CFAP300: variants seen among roughly 807,000 people sequenced by gnomAD.
CFAP300 encodes the protein cilia- and flagella-associated protein 300.
In CFAP300, 32 loss-of-function variants were observed where a neutral mutation model predicts 33.0. The observed-to-expected ratio is 0.97, with a 90% CI of 0.73 to 1.30. The LOEUF (loss-of-function observed/expected upper bound fraction) is 1.30. Among genes scored for constraint, CFAP300 ranks in the 50% most tolerant of loss-of-function variants. The pLI is 0.00. For synonymous variants in CFAP300, 102 were observed against 106.8 expected, an observed-to-expected ratio of 0.95 and a Z score of 0.28; for missense variants, 356 against 318.1, an observed-to-expected ratio of 1.12 and a Z score of -0.90.
At chr11:102,054,476 TAA>T (rs1942019101) in intron 2 of CFAP300, among the ~76,000 whole-genome samples, 2 of 151,954 alleles carry the variant, frequency 1.3e-5, no homozygotes, top group African/African-American at 4.8e-5. Context: ...TGCACGCCTG[TAA>T]TCCCAACACT....
chr11:102,050,639 A>G (rs1305675454), intron 2 of CFAP300, among the ~76,000 whole-genome samples: 1 of 152,198 alleles, frequency 6.6e-6, no homozygotes, highest in East Asian at 1.9e-4. Context: ...CCTGAGGCAT[A>G]AGGTACTTTG....
intron 6 of CFAP300, 29 bp downstream of exon 6, chr11:102,081,310 A>G (rs1942469669): frequency 1.9e-6 from 3 of 1,564,120 alleles, no homozygotes; most frequent in Non-Finnish European, 2.6e-6. Flanking sequence ...TTGCAACCAA[A>G]GAATTTAATT....
intron 2 of CFAP300, among the ~76,000 whole-genome samples, chr11:102,056,749 G>A (rs887235349): frequency 6.6e-6 from 1 of 151,810 alleles, no homozygotes; most frequent in Non-Finnish European, 1.5e-5. Flanking sequence ...TCAGCCTCCC[G>A]GGTAGCTGGA....
At chr11:102,048,070 GTCA>G (rs1941911708) in intron 2 of CFAP300, among the ~76,000 whole-genome samples, 174 bp downstream of exon 2, 1 of 152,122 alleles carries the variant, frequency 6.6e-6, no homozygotes, top group South Asian at 2.1e-4. Context: ...TTTCGAATCA[GTCA>G]TCATAAATTT....
At chr11:102,073,569 G>C (rs1942348363) in intron 4 of CFAP300, among the ~76,000 whole-genome samples, 1 of 152,186 alleles carries the variant, frequency 6.6e-6, no homozygotes, top group African/African-American at 2.4e-5. Flanking sequence ...TGCTCAGATG[G>C]AAGCAGCATG....
In CFAP300 at chr11:102,081,175, C is replaced by T. The variant is rs373305765; in HGVS notation, c.609-40C>T. On this transcript the variant is annotated intron_variant, in intron 5 of 6. Coordinates refer to ENST00000434758, the MANE Select transcript of CFAP300 (RefSeq NM_032930.3). ...CATTACTTAAATGTATATGCCAATGCCTATTATATGTTAAAAGCACCTTTT... is the reference window on the plus strand; with the variant it reads ...CATTACTTAAATGTATATGCCAATGTCTATTATATGTTAAAAGCACCTTTT... The T allele has an allele frequency of 3.1e-5, 45 of 1,431,994 alleles. No individual in the cohort carries two copies. The Middle Eastern group carries it at 5.5e-4, about 18-fold the overall frequency. The allele number at this position is 1,431,994 out of a possible 1,614,324, so 88.7% of individuals were successfully genotyped here. A position where few individuals can be genotyped will look rare whatever the true frequency, so the allele number is the denominator to read the frequency against.
At chr11:102,065,275 G>A (rs1942205450) in intron 3 of CFAP300, among the ~76,000 whole-genome samples, 1 of 151,870 alleles carries the variant, frequency 6.6e-6, no homozygotes, top group South Asian at 2.1e-4. Flanking sequence ...TAGAGATGGG[G>A]TTTCACCATG....
chr11:102,057,224 A>G (rs1942073402), intron 2 of CFAP300, among the ~76,000 whole-genome samples: 1 of 151,602 alleles, frequency 6.6e-6, no homozygotes, highest in Non-Finnish European at 1.5e-5. Flanking sequence ...CTGTAATCCC[A>G]GCTACTCAGG....
chr11:102,050,980 C>G (rs901105130), intron 2 of CFAP300, among the ~76,000 whole-genome samples: 3 of 152,072 alleles, frequency 2.0e-5, no homozygotes, highest in Admixed American at 6.6e-5. Flanking sequence ...AAACTGTTGT[C>G]CTCTAGACAG....
intron 4 of CFAP300, among the ~76,000 whole-genome samples, chr11:102,072,698 C>G (rs1386049108): frequency 6.6e-6 from 1 of 152,036 alleles, no homozygotes; most frequent in Non-Finnish European, 1.5e-5. Context: ...GAGGTGTCAT[C>G]TTTTCTTCCT....
chr11:102,081,717 C>T (rs1814096604), intron 6 of CFAP300, among the ~76,000 whole-genome samples: 2 of 151,898 alleles, frequency 1.3e-5, no homozygotes, highest in Non-Finnish European at 2.9e-5. Flanking sequence ...ACTGTGAAAC[C>T]CCGTCTCTAC....
In CFAP300 at chr11:102,083,111, A is replaced by AACAG; in HGVS notation, c.720_723dup (p.Phe242AspfsTer47). 1 of 1,551,366 alleles carries AACAG rather than the reference A, an allele frequency of 6.4e-7. No homozygotes were observed. The highest frequency in any genetic ancestry group is 1.3e-5 in the South Asian group (1 of 79,098). ...TGCTATCCTTCAGCAAAGAATCATG[A>AACAG]ACAGACATTTTCTTACTTTATTGTG... is the stretch of plus-strand genomic sequence containing the variant. On this transcript the variant is annotated frameshift_variant, in exon 7 of 7. Transcript: ENST00000434758. LOFTEE classifies it high-confidence loss of function.
chr11:102,057,206 G>A (rs1183956340), intron 2 of CFAP300, among the ~76,000 whole-genome samples: 1 of 151,376 alleles, frequency 6.6e-6, no homozygotes, highest in Non-Finnish European at 1.5e-5. Context: ...GGGCATGGTG[G>A]CACACACCTG....
At chr11:102,065,919 A>G (rs1257356279) in intron 3 of CFAP300, among the ~76,000 whole-genome samples, 3 of 151,748 alleles carry the variant, frequency 2.0e-5, no homozygotes, top group Non-Finnish European at 2.9e-5. Flanking sequence ...ATTTTTAAGT[A>G]TCCTCTAATT....
intron 3 of CFAP300, among the ~76,000 whole-genome samples, chr11:102,065,806 A>G (rs1016741730): frequency 2.9e-4 from 44 of 152,252 alleles, no homozygotes; most frequent in African/African-American, 1.0e-3. Flanking sequence ...ATTAAGCATA[A>G]TAGGAATAAA....
At chr11:102,081,446 G>A in intron 6 of CFAP300, 165 bp downstream of exon 6, 2 of 642,786 alleles carry the variant, frequency 3.1e-6, no homozygotes, top group Non-Finnish European at 5.2e-6. Context: ...CTTTTGTTTG[G>A]AGAACAATTT....
chr11:102,055,361 C>CTTTTTTTCTTT (rs1942036507), intron 2 of CFAP300, among the ~76,000 whole-genome samples: 1 of 113,518 alleles, frequency 8.8e-6, no homozygotes, highest in East Asian at 3.1e-4. Context: ...ATGCGTTACT[C>CTTTTTTTCTTT]TTTTTTTTTT....
chr11:102,056,934 T>C (rs1345199027), intron 2 of CFAP300, among the ~76,000 whole-genome samples: 1 of 152,070 alleles, frequency 6.6e-6, no homozygotes, highest in Non-Finnish European at 1.5e-5. Context: ...CCTATTTTTA[T>C]TTTTTATATG....
intron 2 of CFAP300, among the ~76,000 whole-genome samples, chr11:102,050,147 T>C (rs1941947944): frequency 6.6e-6 from 1 of 152,134 alleles, no homozygotes; most frequent in African/African-American, 2.4e-5. Flanking sequence ...AAATAATTTC[T>C]CTATTACTTT....
Sources: allele counts gnomAD v4.1 joint callset (sites outside exome capture counted in the v4.1 genomes callset), GRCh38; gene constraint gnomAD v4.1.1; transcripts MANE v1.5; gene names NCBI Gene and HGNC (gene_info 2026-07-23, HGNC 2026-07-21).